The following NKAIN3 variants were observed in gnomAD, a reference collection of about 807,000 sequenced individuals.
The protein encoded by NKAIN3 is sodium/potassium transporting ATPase interacting 3.
Under a neutral mutation model 30.2 loss-of-function variants are expected in NKAIN3, and 25 were observed. That is an observed-to-expected ratio of 0.83 (90% CI 0.60 to 1.16). The LOEUF is 1.16. Ranked by LOEUF, NKAIN3 falls within the 50% of genes most tolerant of loss-of-function variation. The pLI is 0.00. For synonymous variants in NKAIN3, 91 were observed against 89.6 expected (o/e 1.02, Z -0.09); for missense variants, 225 against 254.1 (o/e 0.89, Z 0.78).
At chr8:62,805,541 A>G (rs1361535571) in intron 4 of NKAIN3, among the ~76,000 whole-genome samples, 1 of 152,200 alleles carries the variant, frequency 6.6e-6, no homozygotes, top group Non-Finnish European at 1.5e-5. Flanking sequence ...GAGAAAAACA[A>G]GAAATGGGGA....
intron 1 of NKAIN3, among the ~76,000 whole-genome samples, chr8:62,330,932 C>T (rs73683099): frequency 0.012 from 1,829 of 152,084 alleles, 45 homozygotes; most frequent in African/African-American, 0.042. Flanking sequence ...ACTGTGGACA[C>T]AGTCCACATG....
rs1902234 is a variant in NKAIN3, at chr8:62,978,158, T to C, written c.*12751T>C. On this transcript the variant is annotated 3_prime_UTR_variant, in exon 7 of 7. Transcript: ENST00000623646. ...TGTATGAAGTGTCTGTCGACCCCTG[T>C]TGGGAGATGTCTCCCCATCAGGAGG... 16,419 of 153,892 alleles carry C rather than the reference T, an allele frequency of 0.11. 929 individuals carry two copies. Among genetic ancestry groups the C allele is most frequent in the South Asian group, 0.17 (823 of 4,856 alleles). The allele number at this position is 153,892 out of a possible 1,614,324, so 9.5% of individuals were successfully genotyped here. A position where few individuals can be genotyped will look rare whatever the true frequency, so the allele number is the denominator to read the frequency against.
chr8:62,504,030 T>G (rs1807551198), intron 1 of NKAIN3, among the ~76,000 whole-genome samples: 1 of 152,214 alleles, frequency 6.6e-6, no homozygotes, highest in African/African-American at 2.4e-5. Context: ...CTATGAAATC[T>G]TCACAATTTA....
At chr8:62,808,509 C>T (rs538521280) in intron 4 of NKAIN3, among the ~76,000 whole-genome samples, 79 of 152,188 alleles carry the variant, frequency 5.2e-4, no homozygotes, top group African/African-American at 1.9e-3. Context: ...TTTCTATTTT[C>T]CCTAAGTGTC....
chr8:62,807,320 G>A (rs1172183383), intron 4 of NKAIN3, among the ~76,000 whole-genome samples: 1 of 152,036 alleles, frequency 6.6e-6, no homozygotes, highest in African/African-American at 2.4e-5. Context: ...CCCTCAAGTT[G>A]GGGTGTGTCC....
chr8:62,517,130 A>AT (rs1007594781), intron 1 of NKAIN3, among the ~76,000 whole-genome samples: 1 of 152,008 alleles, frequency 6.6e-6, no homozygotes, highest in African/African-American at 2.4e-5. Context: ...ATAAATTATA[A>AT]TTTTTTTTCT....
chr8:62,538,813 A>T (rs566157532), intron 1 of NKAIN3, among the ~76,000 whole-genome samples: 2 of 152,186 alleles, frequency 1.3e-5, no homozygotes, highest in Non-Finnish European at 2.9e-5. Flanking sequence ...ATCCTAGTAG[A>T]TGACTACTTT....
intron 3 of NKAIN3, among the ~76,000 whole-genome samples, chr8:62,667,692 G>A (rs1813170922): frequency 6.6e-6 from 1 of 151,928 alleles, no homozygotes; most frequent in Non-Finnish European, 1.5e-5. Context: ...CATCCACAGT[G>A]ATCTTTCTAA....
At chr8:62,870,505 C>T (rs1343151641) in intron 4 of NKAIN3, among the ~76,000 whole-genome samples, 2 of 134,170 alleles carry the variant, frequency 1.5e-5, no homozygotes, top group Middle Eastern at 5.3e-3. Flanking sequence ...ACAATATATA[C>T]AATATGTACG....
chr8:62,335,673 T>C (rs764885278), intron 1 of NKAIN3, among the ~76,000 whole-genome samples: 1 of 151,950 alleles, frequency 6.6e-6, no homozygotes, highest in African/African-American at 2.4e-5. Flanking sequence ...ATGGGAAACA[T>C]GTTCCACAGT....
At chr8:62,249,155 G>A (rs572775939) in intron 1 of NKAIN3, 28 bp downstream of exon 1, 120 of 1,518,036 alleles carry the variant, frequency 7.9e-5, no homozygotes, top group Middle Eastern at 6.9e-4. Flanking sequence ...CCCTGCCCCA[G>A]GACAGGTCCC....
At chr8:62,303,615 C>G (rs1814127882) in intron 1 of NKAIN3, among the ~76,000 whole-genome samples, 1 of 150,450 alleles carries the variant, frequency 6.6e-6, no homozygotes, top group African/African-American at 2.5e-5. Flanking sequence ...CACTTTATTG[C>G]TTTATCTATC....
chr8:62,388,279 A>T (rs1206136530), intron 1 of NKAIN3, among the ~76,000 whole-genome samples: 1 of 152,216 alleles, frequency 6.6e-6, no homozygotes, highest in Non-Finnish European at 1.5e-5. Flanking sequence ...GTTTCAGATT[A>T]TGTTTATATC....
At chr8:62,712,119 C>T (rs140746420) in intron 3 of NKAIN3, among the ~76,000 whole-genome samples, 2 of 152,244 alleles carry the variant, frequency 1.3e-5, no homozygotes, top group African/African-American at 4.8e-5. Context: ...CCATGGATAC[C>T]AGTGCTTGTT....
chr8:62,800,203 AAAT>A (rs1818009620), intron 4 of NKAIN3, among the ~76,000 whole-genome samples: 1 of 149,942 alleles, frequency 6.7e-6, no homozygotes, highest in Non-Finnish European at 1.5e-5. Flanking sequence ...CTATTGAAAT[AAAT>A]AATAAATAAA....
intron 1 of NKAIN3, among the ~76,000 whole-genome samples, chr8:62,472,999 C>A (rs1003625396): frequency 2.0e-5 from 3 of 152,216 alleles, no homozygotes; most frequent in African/African-American, 4.8e-5. Flanking sequence ...ACATTCACTG[C>A]AATATACATT....
At chr8:62,597,764 T>A (rs1328358688) in intron 3 of NKAIN3, among the ~76,000 whole-genome samples, 1 of 152,012 alleles carries the variant, frequency 6.6e-6, no homozygotes, top group African/African-American at 2.4e-5. Context: ...AGGAATTATC[T>A]CTCTGCAATC....
intron 5 of NKAIN3, among the ~76,000 whole-genome samples, chr8:62,992,201 G>A (rs886187522): frequency 7.9e-5 from 12 of 151,718 alleles, no homozygotes; most frequent in South Asian, 2.1e-4. Flanking sequence ...TAGTAGAGAC[G>A]GGGTTTTACC....
intron 1 of NKAIN3, among the ~76,000 whole-genome samples, chr8:62,284,578 C>T (rs1448558783): frequency 6.6e-6 from 1 of 151,900 alleles, no homozygotes; most frequent in Non-Finnish European, 1.5e-5. Flanking sequence ...TGCACTGAGC[C>T]AAGATTGCGC....
Sources: allele counts gnomAD v4.1 joint callset (sites outside exome capture counted in the v4.1 genomes callset), GRCh38; gene constraint gnomAD v4.1.1; transcripts MANE v1.5; gene names NCBI Gene and HGNC (gene_info 2026-07-23, HGNC 2026-07-21).